The following LRTM3 variants were observed in gnomAD, a reference collection of about 807,000 sequenced individuals.
The protein encoded by LRTM3 is leucine-rich repeat transmembrane protein 3.
At chr13:102,736,380 TG>T in the LRTM3 span, 1 of 1,550,920 alleles carries the variant, frequency 6.4e-7, no homozygotes, top group African/African-American at 1.4e-5. Flanking sequence ...ACGGCACCAT[TG>T]GGGTGCATCA....
the LRTM3 span, among the ~76,000 whole-genome samples, chr13:102,751,683 G>A: frequency 4.6e-5 from 7 of 152,132 alleles, no homozygotes; most frequent in African/African-American, 1.7e-4. Context: ...TTACTTTACT[G>A]TAAGTGTGAC....
At chr13:102,755,710 T>C in the LRTM3 span, among the ~76,000 whole-genome samples, 1 of 150,270 alleles carries the variant, frequency 6.7e-6, no homozygotes, top group Non-Finnish European at 1.5e-5. Context: ...TAAACCACCA[T>C]GGCACACGTA....
the LRTM3 span, chr13:102,741,023 G>T: frequency 6.5e-7 from 1 of 1,550,048 alleles, no homozygotes; most frequent in Non-Finnish European, 8.7e-7. Context: ...CTCTACCATT[G>T]GGCTTAGAAC....
the LRTM3 span, chr13:102,734,114 A>C: frequency 6.4e-7 from 1 of 1,551,484 alleles, no homozygotes; most frequent in Non-Finnish European, 8.7e-7. Context: ...AATATTCAAC[A>C]CTAATTCCTT....
chr13:102,739,798 T>G, the LRTM3 span: 1 of 1,549,266 alleles, frequency 6.5e-7, no homozygotes, highest in Non-Finnish European at 8.7e-7. Context: ...TGAAGTGAGG[T>G]AAAGAAAGAA....
chr13:102,731,869 T>G, the LRTM3 span: 1 of 1,549,604 alleles, frequency 6.5e-7, no homozygotes, highest in African/African-American at 1.4e-5. Flanking sequence ...ACTCTGTGGG[T>G]GTCAGAATGC....
chr13:102,733,054 C>G, the LRTM3 span: 1 of 1,551,454 alleles, frequency 6.4e-7, no homozygotes, highest in Non-Finnish European at 8.7e-7. Context: ...CTGGTAGCAT[C>G]TGTAGGCTGA....
At chr13:102,751,340 TATACACACACAC>T in the LRTM3 span, among the ~76,000 whole-genome samples, 1 of 115,570 alleles carries the variant, frequency 8.7e-6, no homozygotes, top group East Asian at 2.6e-4. Context: ...TCTCTCTCTT[TATACACACACAC>T]ACACACACAC....
At chr13:102,748,896 C>T in the LRTM3 span, 1 of 1,550,184 alleles carries the variant, frequency 6.5e-7, no homozygotes, top group East Asian at 2.4e-5. Flanking sequence ...TTAGTAATAT[C>T]TGAGATTCCT....
chr13:102,740,505 A>G, the LRTM3 span: 1 of 1,550,032 alleles, frequency 6.5e-7, no homozygotes, highest in Admixed American at 2.0e-5. Context: ...TTCTCATAGG[A>G]AATTGGTAGG....
the LRTM3 span, chr13:102,742,480 TTC>T: frequency 5.8e-6 from 9 of 1,549,794 alleles, no homozygotes; most frequent in Non-Finnish European, 7.0e-6. Flanking sequence ...CAGTTTTAAA[TTC>T]TTTCTTGTTT....
the LRTM3 span, chr13:102,758,902 C>A: frequency 6.5e-7 from 1 of 1,543,516 alleles, no homozygotes; most frequent in Non-Finnish European, 8.8e-7. Context: ...CTCCCTACCC[C>A]TTTTTTAAAG....
chr13:102,747,763 A>T, the LRTM3 span: 1 of 1,551,218 alleles, frequency 6.4e-7, no homozygotes, highest in Middle Eastern at 1.7e-4. Context: ...CTTGAAATGG[A>T]TCCATCATGG....
chr13:102,750,994 G>C, the LRTM3 span, among the ~76,000 whole-genome samples: 2 of 152,160 alleles, frequency 1.3e-5, no homozygotes, highest in East Asian at 3.9e-4. Flanking sequence ...GCATCTTCTG[G>C]TGTGATGGTT....
At chr13:102,732,459 C>T in the LRTM3 span, 1 of 1,551,008 alleles carries the variant, frequency 6.4e-7, no homozygotes, top group African/African-American at 1.4e-5. Context: ...GTTAATCTGC[C>T]TTTCTGATCT....
the LRTM3 span, chr13:102,740,922 G>GTGGAT: frequency 1.3e-6 from 2 of 1,549,964 alleles, no homozygotes; most frequent in Non-Finnish European, 1.7e-6. Flanking sequence ...GTACTTTCTT[G>GTGGAT]TGGATGTTCT....
chr13:102,740,772 A>T, the LRTM3 span: 1 of 1,549,258 alleles, frequency 6.5e-7, no homozygotes, highest in Non-Finnish European at 8.7e-7. Flanking sequence ...TGTCTTGGAA[A>T]AAGCAAGCCA....
the LRTM3 span, chr13:102,735,333 T>C: frequency 6.4e-7 from 1 of 1,551,302 alleles, no homozygotes; most frequent in East Asian, 2.4e-5. Flanking sequence ...TCTCCATGGG[T>C]TGCTTCTGGA....
At chr13:102,746,103 C>A in the LRTM3 span, 2,220 of 1,551,006 alleles carry the variant, frequency 1.4e-3, 22 homozygotes, top group African/African-American at 0.027. Flanking sequence ...TCTAAAGGAC[C>A]CATTTGGAGA....
Sources: gnomAD v4.1 joint callset for allele counts (sites outside exome capture counted in the v4.1 genomes callset) on GRCh38, gnomAD v4.1.1 for gene constraint, MANE v1.5 for transcripts, NCBI Gene and HGNC (gene_info 2026-07-23, HGNC 2026-07-21) for gene names.